FRAS1: variants seen among roughly 807,000 people sequenced by gnomAD.
The protein encoded by FRAS1 is Fraser extracellular matrix complex subunit 1.
A neutral mutation model predicts 435.2 loss-of-function variants in FRAS1; 290 were observed. That is an observed-to-expected ratio of 0.67 (90% CI 0.61 to 0.73). FRAS1 has a LOEUF of 0.73. Ranked by LOEUF, FRAS1 falls within the 30% of genes least tolerant of loss-of-function variation. The pLI is 0.00. For missense variants in FRAS1, 4,860 were observed against 5,001.5 expected (o/e 0.97, Z 0.85); for synonymous variants, 1,800 against 1,851.0 (o/e 0.97, Z 0.71).
chr4:78,337,869 C>G, intron 20 of FRAS1, 52 bp downstream of exon 20: 1 of 1,594,054 alleles, frequency 6.3e-7, no homozygotes, highest in Non-Finnish European at 8.6e-7. Context: ...GCTGCCGGGG[C>G]TCTTCATACC....
rs1406494881 is a variant in FRAS1 at position 78,541,612 on chromosome 4, T to C, written c.*488T>C. On this transcript the variant is annotated 3_prime_UTR_variant, in exon 74 of 74. Coordinates refer to ENST00000512123, the MANE Select transcript of FRAS1 (RefSeq NM_025074.7). ...CAGATTCCATTAAAAATTCTGCTAA[T>C]CGACACAACACATATATTTGCTCAT... 1.3e-5 allele frequency: 2 copies of C among 152,012 alleles called. No individual in the cohort carries two copies. Among genetic ancestry groups the C allele is most frequent in the African/African-American group, 4.9e-5 (2 of 40,976 alleles). The allele number at this position is 152,012 out of a possible 1,614,324, so 9.4% of individuals were successfully genotyped here.
intron 14 of FRAS1, among the ~76,000 whole-genome samples, chr4:78,298,034 A>C (rs56199853): frequency 0.21 from 20,975 of 101,888 alleles, 1,611 homozygotes; most frequent in African/African-American, 0.24. Context: ...CTCTCTCTAT[A>C]TATATATATA....
intron 14 of FRAS1, among the ~76,000 whole-genome samples, chr4:78,301,257 A>C (rs1017503414): frequency 1.3e-5 from 2 of 152,198 alleles, no homozygotes; most frequent in African/African-American, 4.8e-5. Context: ...AAGAATTAGG[A>C]TGTATTAACA....
intron 6 of FRAS1, among the ~76,000 whole-genome samples, chr4:78,259,517 G>A (rs1343942814): frequency 1.3e-5 from 2 of 151,902 alleles, no homozygotes; most frequent in Non-Finnish European, 2.9e-5. Context: ...TTTGAGAAGT[G>A]TCTGTTCATG....
chr4:78,379,777 T>C lies in FRAS1; in HGVS notation c.3344T>C (p.Ile1115Thr), dbSNP rs750027514. ...LHVNGSLILPIGSIKPLDFSL... is the reference protein window; with the variant it reads ...LHVNGSLILPTGSIKPLDFSL... ...GTGAATGGTTCCCTGATCCTCCCAA[T>C]TGGTTCAATAAAGCCACTGGATTTT... The change falls in exon 27 of 74, where the codon ATT (isoleucine) becomes ACT (threonine). Residue 1115 changes from isoleucine (I) to threonine (T), a missense_variant. By Grantham distance (89) the Ile-to-Thr change is moderately conservative (BLOSUM62 -1). Transcript: ENST00000512123. 6 of 1,613,776 alleles carry C rather than the reference T, an allele frequency of 3.7e-6. No homozygotes were observed. Among genetic ancestry groups the C allele is most frequent in the South Asian group, 3.3e-5 (3 of 91,040 alleles).
intron 14 of FRAS1, among the ~76,000 whole-genome samples, chr4:78,289,168 C>G (rs977724887): frequency 2.6e-5 from 4 of 152,040 alleles, no homozygotes; most frequent in African/African-American, 9.7e-5. Context: ...CAAAAGAGTA[C>G]AAGCAGGTAA....
chr4:78,085,752 C>A (rs1437194504), intron 2 of FRAS1, among the ~76,000 whole-genome samples: 1 of 152,148 alleles, frequency 6.6e-6, no homozygotes, highest in East Asian at 1.9e-4. Context: ...GCACCCAATA[C>A]AGGAGCACCC....
At chr4:78,479,833 A>G (rs1719958679) in intron 56 of FRAS1, 115 bp downstream of exon 56, 1 of 782,826 alleles carries the variant, frequency 1.3e-6, no homozygotes. Context: ...TTCCTCAGGG[A>G]TACCACTGTT....
chr4:78,335,903 G>GTT (rs3086784), intron 19 of FRAS1, among the ~76,000 whole-genome samples: 1,579 of 135,026 alleles, frequency 0.012, 19 homozygotes, highest in African/African-American at 0.023. Flanking sequence ...GTGTGTGGTG[G>GTT]TTTTTTTTTT....
intron 50 of FRAS1, among the ~76,000 whole-genome samples, chr4:78,469,662 G>A (rs180696401): frequency 1.1e-4 from 17 of 151,478 alleles, no homozygotes; most frequent in East Asian, 1.9e-4. Flanking sequence ...AGGCAGTATC[G>A]AACTCAACTA....
At chr4:78,119,331 C>T (rs950824636) in intron 2 of FRAS1, among the ~76,000 whole-genome samples, 8 of 152,174 alleles carry the variant, frequency 5.3e-5, no homozygotes, top group Non-Finnish European at 7.3e-5. Flanking sequence ...CTCTCCCTAT[C>T]CCTTCCTTCC....
chr4:78,505,511 G>T (rs1336419339), intron 61 of FRAS1, among the ~76,000 whole-genome samples: 6 of 151,852 alleles, frequency 4.0e-5, no homozygotes, highest in Non-Finnish European at 7.4e-5. Context: ...TCTTCCACTT[G>T]ATTGAATTGC....
intron 2 of FRAS1, among the ~76,000 whole-genome samples, chr4:78,224,886 T>C (rs1172662013): frequency 6.6e-6 from 1 of 152,182 alleles, no homozygotes; most frequent in East Asian, 1.9e-4. Flanking sequence ...ATTTTTGTGT[T>C]TGATTTTTAA....
At chr4:78,136,033 T>C (rs762483593) in intron 2 of FRAS1, among the ~76,000 whole-genome samples, 2 of 152,220 alleles carry the variant, frequency 1.3e-5, no homozygotes, top group Non-Finnish European at 2.9e-5. Context: ...TATATATTGT[T>C]GATTCACACC....
intron 2 of FRAS1, among the ~76,000 whole-genome samples, chr4:78,118,722 CTT>C (rs1159712434): frequency 6.6e-6 from 1 of 152,176 alleles, no homozygotes; most frequent in Non-Finnish European, 1.5e-5. Context: ...TCTGTCAACC[CTT>C]TCTTTGACTA....
intron 2 of FRAS1, among the ~76,000 whole-genome samples, chr4:78,135,442 G>A (rs1719880652): frequency 6.6e-6 from 1 of 152,140 alleles, no homozygotes. Context: ...AATTATTAAT[G>A]ACAGTTACAA....
intron 18 of FRAS1, among the ~76,000 whole-genome samples, chr4:78,321,572 G>A (rs1326299436): frequency 2.0e-5 from 3 of 152,220 alleles, no homozygotes; most frequent in Non-Finnish European, 2.9e-5. Context: ...GACTGGGTTC[G>A]GTGGCTCACG....
chr4:78,249,064 C>T (rs9307364), intron 4 of FRAS1, among the ~76,000 whole-genome samples: 17 of 16,610 alleles, frequency 1.0e-3, no homozygotes, highest in Non-Finnish European at 1.5e-3. Context: ...TATATATATG[C>T]ATATATATAT....
At chr4:78,406,440 C>T (rs1453338829) in intron 30 of FRAS1, among the ~76,000 whole-genome samples, 1 of 152,166 alleles carries the variant, frequency 6.6e-6, no homozygotes, top group Non-Finnish European at 1.5e-5. Context: ...GAGAAAGGCA[C>T]TTCTTACATG....
Sources: allele counts gnomAD v4.1 joint callset (sites outside exome capture counted in the v4.1 genomes callset), GRCh38; gene constraint gnomAD v4.1.1; transcripts MANE v1.5; gene names NCBI Gene and HGNC (gene_info 2026-07-23, HGNC 2026-07-21).